Variants in AK9 observed in about 807,000 individuals in gnomAD.
The protein encoded by AK9 is adenylate kinase domain containing 1.
A neutral mutation model predicts 239.6 loss-of-function variants in AK9; 191 were observed. The observed-to-expected ratio is 0.80, with a 90% CI of 0.71 to 0.90. The LOEUF (loss-of-function observed/expected upper bound fraction) is 0.90. Ranked by LOEUF, AK9 falls within the 40% of genes least tolerant of loss-of-function variation. The pLI, the probability that AK9 is intolerant of heterozygous loss-of-function variation, is 0.00. For synonymous variants in AK9, 689 were observed against 721.0 expected (o/e 0.96, Z 0.71); for missense variants, 1,995 against 2,214.7 (o/e 0.90, Z 1.99).
chr6:109,636,570 C>G (rs978167435), intron 10 of AK9, among the ~76,000 whole-genome samples: 1 of 151,104 alleles, frequency 6.6e-6, no homozygotes, highest in African/African-American at 2.4e-5. Context: ...TTCCCCCCAG[C>G]CCCTGGTAAC....
At chr6:109,666,198 T>C (rs1488091430) in intron 5 of AK9, among the ~76,000 whole-genome samples, 1 of 151,948 alleles carries the variant, frequency 6.6e-6, no homozygotes, top group Non-Finnish European at 1.5e-5. Context: ...TGGGAGGAGG[T>C]GTGGGATAGA....
At chr6:109,611,589 G>C (rs566884786) in intron 16 of AK9, among the ~76,000 whole-genome samples, 1 of 152,222 alleles carries the variant, frequency 6.6e-6, no homozygotes, top group Non-Finnish European at 1.5e-5. Context: ...GTGTGCACTC[G>C]CATGCACATG....
intron 20 of AK9, 73 bp from the exon 21 acceptor site, chr6:109,573,667 T>C: frequency 7.2e-7 from 1 of 1,389,326 alleles, no homozygotes; most frequent in Non-Finnish European, 9.7e-7. Context: ...TGATAAGTGC[T>C]GAAGCCAAAC....
At chr6:109,524,261 C>T (rs1780182938) in intron 29 of AK9, among the ~76,000 whole-genome samples, 1 of 151,668 alleles carries the variant, frequency 6.6e-6, no homozygotes, top group East Asian at 1.9e-4. Flanking sequence ...AAACTATTTA[C>T]CTTAAAGAAG....
chr6:109,675,861 T>G, intron 1 of AK9, 105 bp from the exon 2 acceptor site: 1 of 655,612 alleles, frequency 1.5e-6, no homozygotes, highest in Non-Finnish European at 2.6e-6. Context: ...AGAAGTCATT[T>G]TGTACCATTA....
At chr6:109,629,028 C>T (rs754779708) in intron 12 of AK9, among the ~76,000 whole-genome samples, 1 of 152,014 alleles carries the variant, frequency 6.6e-6, no homozygotes, top group Non-Finnish European at 1.5e-5. Flanking sequence ...AACAAAGTAC[C>T]TAAAAACTTA....
intron 1 of AK9, among the ~76,000 whole-genome samples, chr6:109,684,012 C>T (rs1401189441): frequency 6.6e-6 from 1 of 152,182 alleles, no homozygotes; most frequent in African/African-American, 2.4e-5. Context: ...TACAAGGCTA[C>T]AGTAACTAAA....
intron 21 of AK9, among the ~76,000 whole-genome samples, chr6:109,567,150 T>C (rs1002715469): frequency 6.6e-6 from 1 of 152,098 alleles, no homozygotes; most frequent in African/African-American, 2.4e-5. Context: ...ACCTGGTTTT[T>C]TGAAAAGATC....
At chr6:109,691,072 A>G (rs1033027310) in intron 1 of AK9, 75 bp downstream of exon 1, 8 of 327,340 alleles carry the variant, frequency 2.4e-5, no homozygotes, top group Non-Finnish European at 4.7e-5. Context: ...CTTTTTTCCA[A>G]AGAGAGGGAG....
In AK9 at chr6:109,499,631, G is replaced by A. The variant is rs550032168; in HGVS notation, c.4850-391C>T. ...ATTTTTTTTTTTGAGATGGAGTCTC[G>A]CTCTGTCACCCAGGCTGGAGTGCAG... On this transcript the variant is annotated intron_variant, in intron 35 of 40. Transcript: ENST00000424296. Among the ~76,000 whole-genome samples the A allele has an allele frequency of 4.0e-5, 6 of 151,298 alleles. No individual in the cohort carries two copies. In the South Asian group the frequency reaches 1.3e-3, roughly 32 times the overall value.
Position 109,493,496 on chromosome 6 carries a change from T to A in AK9, c.5609A>T (p.Glu1870Val), listed in dbSNP as rs778788401. Residue 1870 changes from glutamate to valine, a missense_variant, in exon 41 of 41, where the codon GAA becomes GTA. Transcript: ENST00000424296. ...KKMEQFMESCELITYLGAKMT... is the reference protein window; with the variant it reads ...KKMEQFMESCVLITYLGAKMT... The stretch of plus-strand genomic sequence containing the variant: ...CTTGGCACCCAAGTATGTTATGAGT[T>A]CACAACTCTCCATAAACTGCTCCAT... 3.9e-5 allele frequency: 63 copies of A among 1,614,034 alleles called. No individual in the cohort carries two copies. Among genetic ancestry groups the A allele is most frequent in the Non-Finnish European group, 4.7e-5 (56 of 1,180,018 alleles).
chr6:109,559,824 T>C (rs761848612), intron 24 of AK9, among the ~76,000 whole-genome samples: 87 of 152,334 alleles, frequency 5.7e-4, no homozygotes, highest in Non-Finnish European at 3.1e-4. Context: ...TGTATTTTCT[T>C]ACAGTTTTGG....
At chr6:109,519,891 GT>G (rs1356596943) in intron 29 of AK9, among the ~76,000 whole-genome samples, 1 of 150,776 alleles carries the variant, frequency 6.6e-6, no homozygotes, top group East Asian at 1.9e-4. Flanking sequence ...TTGGCTGCAT[GT>G]ATGTCTTCTT....
At chr6:109,687,669 T>C (rs985877217) in intron 1 of AK9, among the ~76,000 whole-genome samples, 14 of 152,144 alleles carry the variant, frequency 9.2e-5, no homozygotes, top group Non-Finnish European at 1.9e-4. Context: ...GATTCTTCCC[T>C]AGTCAAGTCT....
intron 20 of AK9, 58 bp from the exon 21 acceptor site, chr6:109,573,652 G>C: frequency 6.8e-7 from 1 of 1,472,858 alleles, no homozygotes; most frequent in South Asian, 1.3e-5. Flanking sequence ...ATATTTATTG[G>C]GTGTTGATAA....
intron 29 of AK9, among the ~76,000 whole-genome samples, chr6:109,522,807 T>G (rs542585043): frequency 4.4e-4 from 67 of 152,272 alleles, no homozygotes; most frequent in African/African-American, 1.6e-3. Context: ...ATTGATTAGT[T>G]CAGAGCAACT....
chr6:109,609,326 C>G (rs1423259341), intron 17 of AK9, among the ~76,000 whole-genome samples: 1 of 152,140 alleles, frequency 6.6e-6, no homozygotes, highest in East Asian at 1.9e-4. Context: ...TCATGGAATT[C>G]CTACACCTCA....
chr6:109,546,208 A>G, intron 25 of AK9, 81 bp from the exon 26 acceptor site: 1 of 1,313,804 alleles, frequency 7.6e-7, no homozygotes, highest in Non-Finnish European at 1.0e-6. Flanking sequence ...TAGAACACAT[A>G]AGACTTATTA....
At chr6:109,555,599 C>A (rs1317278846) in intron 24 of AK9, among the ~76,000 whole-genome samples, 15 of 152,130 alleles carry the variant, frequency 9.9e-5, no homozygotes, top group Non-Finnish European at 1.0e-4. Flanking sequence ...CTAATACTGA[C>A]AATGGGGTGT....
Sources: allele counts gnomAD v4.1 joint callset (sites outside exome capture counted in the v4.1 genomes callset), GRCh38; gene constraint gnomAD v4.1.1; transcripts MANE v1.5; gene names NCBI Gene and HGNC (gene_info 2026-07-23, HGNC 2026-07-21).